Variants in RELN observed in about 807,000 individuals in gnomAD.
RELN encodes the protein reelin.
In RELN, 108 loss-of-function variants were observed where a neutral mutation model predicts 427.6. That is an observed-to-expected ratio of 0.25 (90% CI 0.22 to 0.30). RELN has a LOEUF of 0.30. RELN is among the 10% of genes least tolerant of loss of function. The pLI is 1.00. For synonymous variants in RELN, 1,524 were observed against 1,513.4 expected, an observed-to-expected ratio of 1.01 and a Z score of -0.16; for missense variants, 3,715 against 4,302.8, an observed-to-expected ratio of 0.86 and a Z score of 3.82.
At chr7:103,852,672 T>G (rs1042730953) in intron 2 of RELN, among the ~76,000 whole-genome samples, 2 of 151,548 alleles carry the variant, frequency 1.3e-5, no homozygotes, top group Non-Finnish European at 2.9e-5. Flanking sequence ...CACCTTTGTT[T>G]TTGTTGTTGT....
At chr7:103,876,566 T>C (rs1018350964) in intron 2 of RELN, among the ~76,000 whole-genome samples, 3 of 152,200 alleles carry the variant, frequency 2.0e-5, no homozygotes, top group East Asian at 1.9e-4. Context: ...AGTAATACTT[T>C]ATATTATAAT....
chr7:103,637,367 A>T (rs185251703), intron 17 of RELN, among the ~76,000 whole-genome samples: 91 of 152,328 alleles, frequency 6.0e-4, no homozygotes, highest in Non-Finnish European at 5.3e-4. Context: ...GAAGTCTGAA[A>T]CAAGCCTTTA....
At chr7:103,690,147 TTAC>T (rs754663882) in intron 10 of RELN, among the ~76,000 whole-genome samples, 4 of 152,166 alleles carry the variant, frequency 2.6e-5, no homozygotes, top group South Asian at 4.1e-4. Context: ...ATAACTATGG[TTAC>T]TACTATTTAT....
intron 53 of RELN, among the ~76,000 whole-genome samples, chr7:103,499,842 TGAAA>T (rs1562854616): frequency 6.6e-6 from 1 of 152,224 alleles, no homozygotes; most frequent in Non-Finnish European, 1.5e-5. Flanking sequence ...TGAGTGCTCA[TGAAA>T]GAAATTAGAT....
chr7:103,561,118 T>C (rs1286288462), intron 36 of RELN, among the ~76,000 whole-genome samples: 1 of 152,124 alleles, frequency 6.6e-6, no homozygotes, highest in African/African-American at 2.4e-5. Flanking sequence ...AAGTATTTGA[T>C]TTTCTTAAAG....
intron 22 of RELN, among the ~76,000 whole-genome samples, chr7:103,610,163 G>A (rs943324364): frequency 2.6e-5 from 4 of 152,042 alleles, no homozygotes; most frequent in African/African-American, 9.7e-5. Flanking sequence ...AAAAACTATT[G>A]TGCTTTTTTC....
At chr7:103,914,763 C>T (rs995494846) in intron 2 of RELN, among the ~76,000 whole-genome samples, 2 of 152,090 alleles carry the variant, frequency 1.3e-5, no homozygotes, top group African/African-American at 2.4e-5. Flanking sequence ...ATGTGACTCA[C>T]AGCCTGAACT....
chr7:103,776,474 G>T, intron 4 of RELN, 83 bp downstream of exon 4: 1 of 1,353,000 alleles, frequency 7.4e-7, no homozygotes, highest in Non-Finnish European at 1.1e-6. Context: ...TAATCATAAT[G>T]AAATGCTTAC....
chr7:103,537,854 T>C (rs1202629084), intron 45 of RELN, among the ~76,000 whole-genome samples: 2 of 152,216 alleles, frequency 1.3e-5, no homozygotes, highest in Non-Finnish European at 2.9e-5. Context: ...TAAAATCTAC[T>C]TCAAGCATCA....
chr7:103,739,160 G>A (rs937446627), intron 6 of RELN, among the ~76,000 whole-genome samples: 2 of 152,150 alleles, frequency 1.3e-5, no homozygotes, highest in Non-Finnish European at 1.5e-5. Context: ...TGGCTGTTAG[G>A]TATAATTATT....
intron 1 of RELN, among the ~76,000 whole-genome samples, chr7:103,983,463 A>T (rs1203103311): frequency 6.6e-6 from 1 of 152,224 alleles, no homozygotes; most frequent in Non-Finnish European, 1.5e-5. Context: ...AAGAGCCAAT[A>T]ATTTTTTAAA....
At chr7:103,883,151 T>C (rs892691537) in intron 2 of RELN, among the ~76,000 whole-genome samples, 1 of 152,198 alleles carries the variant, frequency 6.6e-6, no homozygotes, top group Non-Finnish European at 1.5e-5. Flanking sequence ...TCAATAAACG[T>C]AATCCATCAC....
chr7:103,690,939 C>T (rs552617358), intron 10 of RELN, among the ~76,000 whole-genome samples: 2 of 152,052 alleles, frequency 1.3e-5, no homozygotes, highest in African/African-American at 2.4e-5. Flanking sequence ...GGCAAGGCCA[C>T]GGACTTGGAA....
chr7:103,573,345 C>T lies in RELN; in HGVS notation c.4511+747G>A, dbSNP rs971925610. ...TAGACTCACTTGGCTAAATTTTTCACAGCAGGCCTTCAGTCAGTACGATGT... is the reference window on the plus strand; with the variant it reads ...TAGACTCACTTGGCTAAATTTTTCATAGCAGGCCTTCAGTCAGTACGATGT... On this transcript the variant is annotated intron_variant, in intron 30 of 64. Transcript: ENST00000428762. The surrounding 1 kb of genome is among the most constrained non-coding windows in gnomAD (Gnocchi z 4.4). Among the ~76,000 whole-genome samples the T allele has an allele frequency of 1.3e-5, 2 of 152,332 alleles. No homozygotes were observed. The highest frequency in any genetic ancestry group is 1.9e-4 in the East Asian group (1 of 5,180).
chr7:103,711,545 TTCTTC>T (rs1303234204), intron 8 of RELN, among the ~76,000 whole-genome samples: 34 of 152,346 alleles, frequency 2.2e-4, no homozygotes, highest in Non-Finnish European at 2.9e-5. Flanking sequence ...TGAAATTCTT[TTCTTC>T]TCTTAAGGCA....
In RELN at chr7:103,498,190, T is replaced by C. The variant is rs746880275; in HGVS notation, c.8730A>G (p.Glu2910=). The change falls in exon 54 of 65, where the codon GAA becomes GAG. Residue 2910 remains glutamate, a synonymous_variant. Transcript: ENST00000428762. ...CACACTCAGTGCAAGTACTTCCACC[T>C]TCTAAGGACATCCATAAGTCAGGTT... ...EIKPDLWMSL[E]GGSTCTECGI... 29 of 1,613,958 alleles carry C rather than the reference T, an allele frequency of 1.8e-5. No individual in the cohort carries two copies. Among genetic ancestry groups the C allele is most frequent in the Non-Finnish European group, 5.9e-6 (7 of 1,179,942 alleles).
At chr7:103,882,589 A>T (rs3914123) in intron 2 of RELN, among the ~76,000 whole-genome samples, 118,809 of 151,984 alleles carry the variant, frequency 0.78, 46,497 homozygotes, top group East Asian at 0.87. Flanking sequence ...ATAGACACAA[A>T]AAAAAATGAT....
intron 27 of RELN, among the ~76,000 whole-genome samples, chr7:103,590,395 C>G (rs1490378270): frequency 6.6e-6 from 1 of 152,086 alleles, no homozygotes; most frequent in East Asian, 1.9e-4. Context: ...AACCCTGTCT[C>G]TACTAAAAAT....
At chr7:103,745,181 T>C (rs949391326) in intron 6 of RELN, among the ~76,000 whole-genome samples, 3 of 152,072 alleles carry the variant, frequency 2.0e-5, no homozygotes, top group South Asian at 2.1e-4. Flanking sequence ...ATTATCTCAA[T>C]AGATGCAGAA....
Sources: allele counts gnomAD v4.1 joint callset (sites outside exome capture counted in the v4.1 genomes callset), GRCh38; gene constraint gnomAD v4.1.1; non-coding constraint Gnocchi (gnomAD v3.1); transcripts MANE v1.5; gene names NCBI Gene and HGNC (gene_info 2026-07-23, HGNC 2026-07-21).